The following PLXNA2 variants were observed in gnomAD, a reference collection of about 807,000 sequenced individuals.
PLXNA2 encodes plexin A2, also known as plexin-A2.
PLXNA2 carries 91 observed loss-of-function variants against 193.5 expected under a neutral mutation model. The ratio of observed to expected loss-of-function variants is 0.47; its 90% confidence interval spans 0.40 to 0.56. PLXNA2 has a LOEUF of 0.56. PLXNA2 is among the 20% of genes least tolerant of loss of function. The pLI is 0.00. For synonymous variants in PLXNA2, 997 were observed against 1,027.3 expected, an observed-to-expected ratio of 0.97 and a Z score of 0.56; for missense variants, 1,995 against 2,503.2, an observed-to-expected ratio of 0.80 and a Z score of 4.33.
chr1:208,041,538 G>A (rs1484756385), intron 22 of PLXNA2, among the ~76,000 whole-genome samples: 1 of 152,238 alleles, frequency 6.6e-6, no homozygotes, highest in African/African-American at 2.4e-5. Flanking sequence ...CTGCGATAAT[G>A]GGAATGTTCT....
Position 208,038,540 on chromosome 1 carries a change from G to T in PLXNA2, c.4661-66C>A. 3 of 1,312,364 alleles carry T rather than the reference G, an allele frequency of 2.3e-6. No homozygotes were observed. In the South Asian group the frequency reaches 3.5e-5, roughly 15 times the overall value. The allele number at this position is 1,312,364 out of a possible 1,614,324, so 81.3% of individuals were successfully genotyped here. ...TGAGGGCTGTGAGCCAGTGTCTCCC[G>T]ATTGCACCTTCTCTAGGGACCTGGC... On this transcript the variant is annotated intron_variant, in intron 25 of 31. Coordinates refer to ENST00000367033, the MANE Select transcript of PLXNA2 (RefSeq NM_025179.4). This position sits in a 1 kb window ranked among gnomAD's most constrained non-coding sequence, Gnocchi z 4.1.
At chr1:208,032,690 C>T (rs1383654547) in intron 28 of PLXNA2, among the ~76,000 whole-genome samples, 1 of 148,590 alleles carries the variant, frequency 6.7e-6, no homozygotes, top group East Asian at 2.1e-4. Context: ...GCCTCACTTC[C>T]ATCAACATTT....
chr1:208,224,441 C>T (rs1258365275), intron 1 of PLXNA2, among the ~76,000 whole-genome samples: 2 of 151,118 alleles, frequency 1.3e-5, no homozygotes, highest in South Asian at 4.2e-4. Context: ...TACGATTAGT[C>T]TTTTTCTTAT....
chr1:208,196,850 C>T (rs928949772), intron 3 of PLXNA2, among the ~76,000 whole-genome samples: 3 of 151,922 alleles, frequency 2.0e-5, no homozygotes, highest in African/African-American at 4.8e-5. Context: ...GTGGCAAGGG[C>T]GGGGGTAGAT....
chr1:208,152,687 A>G (rs1406991982), intron 3 of PLXNA2, among the ~76,000 whole-genome samples: 38 of 134,714 alleles, frequency 2.8e-4, no homozygotes, highest in African/African-American at 6.3e-4. Flanking sequence ...ACACACGCAC[A>G]CACACACACA....
At chr1:208,067,493 C>T (rs1364293690) in intron 12 of PLXNA2, among the ~76,000 whole-genome samples, 1 of 152,194 alleles carries the variant, frequency 6.6e-6, no homozygotes, top group African/African-American at 2.4e-5. Flanking sequence ...CACATTCACT[C>T]ACCACTCACT....
At chr1:208,055,278 G>T (rs980207511) in intron 13 of PLXNA2, among the ~76,000 whole-genome samples, 1 of 152,118 alleles carries the variant, frequency 6.6e-6, no homozygotes, top group Admixed American at 6.5e-5. Flanking sequence ...AGTGTGCAGC[G>T]CTCTCTCTCG....
rs1672143658 is a variant in PLXNA2 at position 208,243,848 on chromosome 1, C to T, written c.-286G>A. Reference sequence around the variant, plus strand: ...TATTCCTGAAGTCGCTCCTCGGTCTCCGCTCCGCGCGCCCCTCAGTCCTCC... The same window carrying T: ...TATTCCTGAAGTCGCTCCTCGGTCTTCGCTCCGCGCGCCCCTCAGTCCTCC... On this transcript the variant is annotated 5_prime_UTR_variant, in exon 1 of 32. Transcript: ENST00000367033. 6.6e-6 allele frequency: 1 copy of T among 152,382 alleles called. No homozygotes were observed. The highest frequency in any genetic ancestry group is 6.5e-5 in the Admixed American group (1 of 15,290). 9.4% of individuals were successfully genotyped at this position (152,382 alleles called of 1,614,324 possible).
At chr1:208,230,461 G>A (rs1279356148) in intron 1 of PLXNA2, 1 of 152,336 alleles carries the variant, frequency 6.6e-6, no homozygotes, top group African/African-American at 2.4e-5. Context: ...TTGCTGGGTT[G>A]TCCAGGCACC....
At chr1:208,104,809 C>A (rs771202134) in intron 4 of PLXNA2, among the ~76,000 whole-genome samples, 44 of 152,122 alleles carry the variant, frequency 2.9e-4, no homozygotes, top group Non-Finnish European at 6.0e-4. Flanking sequence ...CATCCCTCAC[C>A]TCCCTTTAAT....
chr1:208,199,311 A>G (rs1670461158), intron 3 of PLXNA2, among the ~76,000 whole-genome samples: 1 of 152,220 alleles, frequency 6.6e-6, no homozygotes, highest in Admixed American at 6.5e-5. Flanking sequence ...GCTCCAGGGA[A>G]AAAAATCCCT....
At chr1:208,109,127 T>G (rs549186523) in intron 4 of PLXNA2, among the ~76,000 whole-genome samples, 3 of 152,320 alleles carry the variant, frequency 2.0e-5, no homozygotes, top group African/African-American at 7.2e-5. Context: ...TCTCAGTGGC[T>G]GGGAGCCAGG....
At chr1:208,058,417 C>CCGTGCTGGCGAAT (rs1476121673) in intron 13 of PLXNA2, among the ~76,000 whole-genome samples, 2 of 152,232 alleles carry the variant, frequency 1.3e-5, no homozygotes, top group East Asian at 3.8e-4. Flanking sequence ...TGAATCATTA[C>CCGTGCTGGCGAAT]CGTGCTGGCG....
At chr1:208,065,726 GC>G (rs1371278419) in intron 12 of PLXNA2, among the ~76,000 whole-genome samples, 1 of 152,232 alleles carries the variant, frequency 6.6e-6, no homozygotes, top group East Asian at 1.9e-4. Context: ...CGAAGCCTGA[GC>G]TTGGGCAGGG....
At chr1:208,154,203 G>C (rs1257390016) in intron 3 of PLXNA2, among the ~76,000 whole-genome samples, 1 of 152,188 alleles carries the variant, frequency 6.6e-6, no homozygotes, top group Non-Finnish European at 1.5e-5. Flanking sequence ...ACAGCTGCTG[G>C]GCAGAGTGCC....
At chr1:208,175,580 G>GT (rs5780438) in intron 3 of PLXNA2, among the ~76,000 whole-genome samples, 147,528 of 152,314 alleles carry the variant, frequency 0.97, 71,618 homozygotes, top group East Asian at 1. Flanking sequence ...CCTGTGTCCT[G>GT]GACAGTCTAG....
chr1:208,064,115 C>T (rs2102355215), intron 12 of PLXNA2, among the ~76,000 whole-genome samples: 1 of 152,308 alleles, frequency 6.6e-6, no homozygotes, highest in Non-Finnish European at 1.5e-5. Context: ...TTTCTTTCTC[C>T]CATCTACCAC....
intron 3 of PLXNA2, among the ~76,000 whole-genome samples, chr1:208,153,309 G>A (rs1027795165): frequency 6.6e-6 from 1 of 152,198 alleles, no homozygotes; most frequent in Non-Finnish European, 1.5e-5. Context: ...AGGAAACGGA[G>A]GCATAGTAGG....
At position 208,042,243 on chromosome 1, in the gene PLXNA2, G is replaced by T; in HGVS notation, c.4141C>A (p.Arg1381Ser). Reference sequence around the variant, plus strand: ...AGCGAAGCCACGTTGCCCCGGTCGCGCATGGAGAAACTGCGCTGCAGCTCC... The same window carrying T: ...AGCGAAGCCACGTTGCCCCGGTCGCTCATGGAGAAACTGCGCTGCAGCTCC... ...TLELQRSFSM[R>S]DRGNVASLIM... The change falls in exon 22 of 32, where the codon CGC becomes AGC. Residue 1381 changes from arginine (R) to serine (S), a missense_variant. Physicochemically the swap from Arg to Ser is moderately radical, Grantham distance 110. Around this residue, in one of 3 missense-constraint regions of PLXNA2, gnomAD observed 1,291 missense variants for 1,673.6 expected, o/e 0.77. Transcript: ENST00000367033. 2 of 1,614,230 alleles carry T rather than the reference G, an allele frequency of 1.2e-6. No homozygotes were observed. Among genetic ancestry groups the T allele is most frequent in the Non-Finnish European group, 8.5e-7 (1 of 1,180,026 alleles).
Sources: gnomAD v4.1 joint callset for allele counts (sites outside exome capture counted in the v4.1 genomes callset) on GRCh38, gnomAD v4.1.1 for gene constraint, gnomAD v4.1.1 regional missense constraint, Gnocchi (gnomAD v3.1) non-coding constraint, MANE v1.5 for transcripts, NCBI Gene and HGNC (gene_info 2026-07-23, HGNC 2026-07-21) for gene names.